The following COL5A1 variants were observed in gnomAD, a reference collection of about 807,000 sequenced individuals.
COL5A1 encodes collagen type V alpha 1 chain.
A neutral mutation model predicts 263.7 loss-of-function variants in COL5A1; 16 were observed. That is an observed-to-expected ratio of 0.06 (90% CI 0.04 to 0.09). The LOEUF is 0.09. COL5A1 is among the 10% of genes least tolerant of loss of function. The pLI, the probability that COL5A1 is intolerant of heterozygous loss-of-function variation, is 1.00. For synonymous variants in COL5A1, 1,012 were observed against 1,004.5 expected, an observed-to-expected ratio of 1.01 and a Z score of -0.14; for missense variants, 2,036 against 2,540.5, an observed-to-expected ratio of 0.80 and a Z score of 4.27.
rs1491453660 is a variant in COL5A1, at chr9:134,759,335, AGC to A, written c.1935+1040_1935+1041del. On this transcript the variant is annotated intron_variant, in intron 18 of 65. Coordinates refer to ENST00000371817, the MANE Select transcript of COL5A1 (RefSeq NM_000093.5). ...CCACACTCATACACACATGCACACAAGCACACACACACACCCACATTCATACA... is the reference window on the plus strand; with the variant it reads ...CCACACTCATACACACATGCACACAAACACACACACACCCACATTCATACA... Among the ~76,000 whole-genome samples the A allele has an allele frequency of 6.2e-4, 51 of 81,742 alleles. 1 individual carries two copies. Among genetic ancestry groups the A allele is most frequent in the African/African-American group, 3.4e-3 (49 of 14,610 alleles). The allele number at this position is 81,742 out of a possible 152,430, so 53.6% of individuals were successfully genotyped here. A position where few individuals can be genotyped will look rare whatever the true frequency, so the allele number is the denominator to read the frequency against.
chr9:134,720,795 C>T (rs55655608), intron 4 of COL5A1, among the ~76,000 whole-genome samples: 8,735 of 152,260 alleles, frequency 0.057, 299 homozygotes, highest in Middle Eastern at 0.082. Flanking sequence ...ACATGCTGAC[C>T]TGGCTTCCAG....
chr9:134,727,417 G>A lies in COL5A1; in HGVS notation c.786+20G>A. On this transcript the variant is annotated intron_variant, in intron 5 of 65. Transcript: ENST00000371817. ...GAATATGTGAGTTAACTCTGGCTGG[G>A]ATCTTGGGGAGCATGAGCAGACTAC... 1 of 1,614,012 alleles carries A rather than the reference G, an allele frequency of 6.2e-7. No individual in the cohort carries two copies. Among genetic ancestry groups the A allele is most frequent in the African/African-American group, 1.3e-5 (1 of 75,042 alleles).
chr9:134,701,225 C>T lies in COL5A1; in HGVS notation c.546C>T (p.Asp182=). ...VHKKNVTLIL[D]CKKKTTKFLD... ...AGAAAAATGTCACCTTGATCCTCGA[C>T]TGTAAAAAGAAGACCACCAAATTCC... The change falls in exon 4 of 66, where the codon GAC becomes GAT. Residue 182 remains aspartate (D), a synonymous_variant. Coordinates refer to ENST00000371817, the MANE Select transcript of COL5A1 (RefSeq NM_000093.5). The T allele has an allele frequency of 6.2e-7, 1 of 1,614,032 alleles. No homozygotes were observed. The highest frequency in any genetic ancestry group is 8.5e-7 in the Non-Finnish European group (1 of 1,180,020).
chr9:134,810,605 C>T, intron 44 of COL5A1: 1 of 441,148 alleles, frequency 2.3e-6, no homozygotes, highest in Non-Finnish European at 4.0e-6. Flanking sequence ...ACACCCATTG[C>T]CCTCTGAGGT....
intron 1 of COL5A1, among the ~76,000 whole-genome samples, chr9:134,685,087 C>T (rs1330064528): frequency 8.1e-3 from 1,129 of 138,746 alleles, no homozygotes; most frequent in Admixed American, 0.011. Context: ...CATCCACCCA[C>T]CATCCATCCA....
intron 61 of COL5A1, among the ~76,000 whole-genome samples, chr9:134,823,730 A>G (rs113382407): frequency 0.013 from 1,929 of 152,252 alleles, 9 homozygotes; most frequent in Non-Finnish European, 0.021. Context: ...CATGCATGGT[A>G]TATGAATGTG....
chr9:134,698,315 C>T (rs1355515673), intron 2 of COL5A1, among the ~76,000 whole-genome samples: 1 of 152,246 alleles, frequency 6.6e-6, no homozygotes, highest in Admixed American at 6.5e-5. Context: ...CTGGTCAACA[C>T]AGGGTGCCCG....
intron 65 of COL5A1, among the ~76,000 whole-genome samples, chr9:134,836,563 C>A (rs117557602): frequency 6.6e-6 from 1 of 152,194 alleles, no homozygotes; most frequent in South Asian, 2.1e-4. Context: ...CTGAGCAACA[C>A]GGATGGGTCC....
At chr9:134,706,344 T>C (rs4552987) in intron 4 of COL5A1, among the ~76,000 whole-genome samples, 130,528 of 152,152 alleles carry the variant, frequency 0.86, 56,181 homozygotes, top group African/African-American at 0.9. Flanking sequence ...GGGGCTGGGC[T>C]CCCCCCAGTG....
chr9:134,655,128 G>A (rs1831911427), intron 1 of COL5A1, among the ~76,000 whole-genome samples: 1 of 148,822 alleles, frequency 6.7e-6, no homozygotes, highest in Non-Finnish European at 1.5e-5. Flanking sequence ...TGTAGGGCTG[G>A]TGTGTGTAGG....
At chr9:134,721,141 G>A (rs1834437396) in intron 4 of COL5A1, among the ~76,000 whole-genome samples, 2 of 152,060 alleles carry the variant, frequency 1.3e-5, no homozygotes, top group Admixed American at 1.3e-4. Flanking sequence ...TCTAGTGATG[G>A]ACACAGGTCT....
intron 1 of COL5A1, among the ~76,000 whole-genome samples, chr9:134,651,929 C>T (rs1831702438): frequency 6.6e-6 from 1 of 152,120 alleles, no homozygotes; most frequent in Admixed American, 6.5e-5. Context: ...CTGCTCTTCC[C>T]CTGGGGAAAG....
At chr9:134,750,146 C>T (rs1835720532) in intron 11 of COL5A1, among the ~76,000 whole-genome samples, 1 of 152,182 alleles carries the variant, frequency 6.6e-6, no homozygotes, top group South Asian at 2.1e-4. Flanking sequence ...GGCCTTGAGC[C>T]TGGAGTCTTT....
chr9:134,726,957 GTAGATGGA>G (rs1346938886), intron 4 of COL5A1, among the ~76,000 whole-genome samples: 1 of 150,762 alleles, frequency 6.6e-6, no homozygotes, highest in Non-Finnish European at 1.5e-5. Flanking sequence ...ACTGGTAGAT[GTAGATGGA>G]TAGGTGGATA....
chr9:134,805,094 TG>T, intron 40 of COL5A1, 30 bp downstream of exon 40: 1 of 1,613,650 alleles, frequency 6.2e-7, no homozygotes, highest in Non-Finnish European at 8.5e-7. Flanking sequence ...GGGAATGAAA[TG>T]GGACAGGTGC....
chr9:134,827,657 C>A (rs144029959), intron 63 of COL5A1, among the ~76,000 whole-genome samples: 1 of 152,218 alleles, frequency 6.6e-6, no homozygotes, highest in Non-Finnish European at 1.5e-5. Flanking sequence ...GGCTGCTGAG[C>A]GACCCCAGGC....
intron 9 of COL5A1, among the ~76,000 whole-genome samples, chr9:134,734,726 A>G (rs542742869): frequency 6.6e-6 from 1 of 152,214 alleles, no homozygotes; most frequent in Admixed American, 6.5e-5. Context: ...TTGTGCTTCC[A>G]GGCAGGAAGC....
At chr9:134,807,695 A>G (rs1341730348) in intron 42 of COL5A1, among the ~76,000 whole-genome samples, 7 of 152,206 alleles carry the variant, frequency 4.6e-5, no homozygotes, top group Non-Finnish European at 8.8e-5. Flanking sequence ...CACATTGGAA[A>G]CATCTGGGCC....
chr9:134,835,765 G>A (rs1292426204), intron 65 of COL5A1, among the ~76,000 whole-genome samples: 1 of 152,204 alleles, frequency 6.6e-6, no homozygotes, highest in Admixed American at 6.5e-5. Flanking sequence ...AGTCAGGGCT[G>A]GTATTGGCGC....
Sources: gnomAD v4.1 joint callset for allele counts (sites outside exome capture counted in the v4.1 genomes callset) on GRCh38, gnomAD v4.1.1 for gene constraint, MANE v1.5 for transcripts, NCBI Gene and HGNC (gene_info 2026-07-23, HGNC 2026-07-21) for gene names.